Variants in MAN1C1 observed in about 807,000 individuals in gnomAD.
MAN1C1 encodes mannosyl-oligosaccharide 1,2-alpha-mannosidase IC.
A neutral mutation model predicts 71.5 loss-of-function variants in MAN1C1; 49 were observed. The ratio of observed to expected loss-of-function variants is 0.69; its 90% CI spans 0.54 to 0.87. MAN1C1 has a LOEUF of 0.87. Ranked by LOEUF, MAN1C1 falls within the 40% of genes least tolerant of loss-of-function variation. MAN1C1 has a pLI of 0.00. For missense variants in MAN1C1, 743 were observed against 835.0 expected (o/e 0.89, Z 1.36); for synonymous variants, 352 against 343.7 (o/e 1.02, Z -0.27).
At chr1:25,669,619 A>C (rs1057134876) in intron 1 of MAN1C1, among the ~76,000 whole-genome samples, 8 of 152,186 alleles carry the variant, frequency 5.3e-5, no homozygotes, top group Middle Eastern at 6.8e-3. Flanking sequence ...AAAAATTGTA[A>C]AAATCAGCCA....
intron 1 of MAN1C1, among the ~76,000 whole-genome samples, chr1:25,664,740 T>C (rs2045897223): frequency 6.6e-6 from 1 of 152,176 alleles, no homozygotes; most frequent in African/African-American, 2.4e-5. Flanking sequence ...GAGCTGAAAT[T>C]GCAAAGCATT....
chr1:25,659,178 C>T (rs1377881725), intron 1 of MAN1C1: 1 of 152,310 alleles, frequency 6.6e-6, no homozygotes, highest in Non-Finnish European at 1.5e-5. Context: ...GTTGCTGAGC[C>T]AGCATCCTGG....
At chr1:25,680,292 G>A (rs1306170496) in intron 1 of MAN1C1, among the ~76,000 whole-genome samples, 2 of 152,024 alleles carry the variant, frequency 1.3e-5, no homozygotes, top group African/African-American at 4.8e-5. Flanking sequence ...TGAACTCCTG[G>A]CCTCAGATGA....
chr1:25,632,987 C>T (rs578015614), intron 1 of MAN1C1, among the ~76,000 whole-genome samples: 6 of 151,764 alleles, frequency 4.0e-5, no homozygotes, highest in African/African-American at 1.5e-4. Context: ...CCTGCCTCAG[C>T]CTCCCGAGTA....
chr1:25,708,148 G>T (rs2046550923), intron 2 of MAN1C1, among the ~76,000 whole-genome samples: 1 of 152,220 alleles, frequency 6.6e-6, no homozygotes, highest in African/African-American at 2.4e-5. Flanking sequence ...CAGCAGCCTG[G>T]GCTGCTTGAC....
intron 1 of MAN1C1, among the ~76,000 whole-genome samples, chr1:25,677,846 CTTTTTTTTTTTTT>C (rs772618301): frequency 2.0e-5 from 2 of 98,308 alleles, no homozygotes; most frequent in African/African-American, 5.3e-5. Context: ...TAAAGACCTC[CTTTTTTTTTTTTT>C]TTTTTTTTTT....
chr1:25,664,206 A>G (rs1039952790), intron 1 of MAN1C1, among the ~76,000 whole-genome samples: 1 of 150,968 alleles, frequency 6.6e-6, no homozygotes, highest in African/African-American at 2.4e-5. Context: ...CATGCTGCTC[A>G]TTACCACCCC....
chr1:25,641,390 C>T (rs946241334), intron 1 of MAN1C1, among the ~76,000 whole-genome samples: 1 of 152,204 alleles, frequency 6.6e-6, no homozygotes, highest in Non-Finnish European at 1.5e-5. Flanking sequence ...GATGTTCTTT[C>T]TGTGACATCA....
chr1:25,661,580 T>G (rs572497870), intron 1 of MAN1C1, among the ~76,000 whole-genome samples: 7 of 152,260 alleles, frequency 4.6e-5, no homozygotes, highest in Admixed American at 1.3e-4. Flanking sequence ...AGGCTTAGCT[T>G]GAGCACAGGG....
At chr1:25,652,716 C>T (rs1389257197) in intron 1 of MAN1C1, among the ~76,000 whole-genome samples, 1 of 152,222 alleles carries the variant, frequency 6.6e-6, no homozygotes, top group Non-Finnish European at 1.5e-5. Flanking sequence ...GCCTCAATGT[C>T]CTTTTCTGCA....
intron 1 of MAN1C1, among the ~76,000 whole-genome samples, chr1:25,665,855 C>CTTT (rs757054975): frequency 0.054 from 5,202 of 96,722 alleles, 631 homozygotes; most frequent in African/African-American, 0.16. Flanking sequence ...TTGGCATTGG[C>CTTT]TTTTTTTTTT....
chr1:25,749,592 A>C (rs1038506647), intron 4 of MAN1C1, among the ~76,000 whole-genome samples: 6 of 151,980 alleles, frequency 3.9e-5, no homozygotes, highest in African/African-American at 1.5e-4. Flanking sequence ...CTATCACACA[A>C]AGCAGCGGCA....
intron 2 of MAN1C1, among the ~76,000 whole-genome samples, chr1:25,702,596 C>T (rs2046461582): frequency 1.3e-5 from 2 of 152,204 alleles, no homozygotes; most frequent in Non-Finnish European, 2.9e-5. Flanking sequence ...CAGGCTTTGG[C>T]ACCAGGGGGC....
chr1:25,618,375 C>T (rs771944472), intron 1 of MAN1C1, 38 bp downstream of exon 1: 1 of 1,567,650 alleles, frequency 6.4e-7, no homozygotes, highest in South Asian at 1.2e-5. Flanking sequence ...CACCAACTGC[C>T]CCCTCTAAGG....
chr1:25,781,206 A>G (rs1478415523), intron 10 of MAN1C1, 94 bp downstream of exon 10: 2 of 1,377,002 alleles, frequency 1.5e-6, no homozygotes, highest in African/African-American at 1.4e-5. Context: ...CCTGGAGTGG[A>G]AGGCCAAGCC....
rs1377342014 is a variant in MAN1C1 at position 25,616,903 on chromosome 1, G to T, written c.-895G>T. ...CAGCGGCCGGTCTGGAGCGGCCGCT[G>T]CGAGGAAGACAGCTGCAGCGGGGGA... On this transcript the variant is annotated 5_prime_UTR_variant, in exon 1 of 12. Coordinates refer to ENST00000374332, the MANE Select transcript of MAN1C1 (RefSeq NM_020379.4). This position sits in a 1 kb window ranked among gnomAD's most constrained non-coding sequence, Gnocchi z 5.6. 6.7e-6 allele frequency among the ~76,000 whole-genome samples: 1 copy of T among 149,842 alleles called. No individual in the cohort carries two copies. The highest frequency in any genetic ancestry group is 6.6e-5 in the Admixed American group (1 of 15,098).
At chr1:25,681,189 G>T (rs760736120) in intron 1 of MAN1C1, among the ~76,000 whole-genome samples, 3 of 150,092 alleles carry the variant, frequency 2.0e-5, no homozygotes, top group Non-Finnish European at 2.9e-5. Context: ...TCGCACCATT[G>T]CACTCCAGCC....
intron 1 of MAN1C1, among the ~76,000 whole-genome samples, chr1:25,638,253 C>T (rs2045491257): frequency 6.6e-6 from 1 of 152,118 alleles, no homozygotes; most frequent in African/African-American, 2.4e-5. Context: ...TCACAATCTA[C>T]ACTGAAATAA....
At position 25,730,148 on chromosome 1, in the gene MAN1C1, A is replaced by G. The variant is rs1286818102; in HGVS notation, c.638-16520A>G. 1.3e-5 allele frequency among the ~76,000 whole-genome samples: 2 copies of G among 152,174 alleles called. No individual in the cohort carries two copies. Among genetic ancestry groups the G allele is most frequent in the Non-Finnish European group, 2.9e-5 (2 of 68,028 alleles). On this transcript the variant is annotated intron_variant, in intron 2 of 11. Transcript: ENST00000374332. The surrounding 1 kb of genome is among the most constrained non-coding windows in gnomAD (Gnocchi z 4.3). ...AAGGTCTGGGTGGTGATTTCCTCTCAGATAAATCCCTTACCCTTTGAGAAC... is the reference window on the plus strand; with the variant it reads ...AAGGTCTGGGTGGTGATTTCCTCTCGGATAAATCCCTTACCCTTTGAGAAC...
Sources: allele counts gnomAD v4.1 joint callset (sites outside exome capture counted in the v4.1 genomes callset), GRCh38; gene constraint gnomAD v4.1.1; non-coding constraint Gnocchi (gnomAD v3.1); transcripts MANE v1.5; gene names NCBI Gene and HGNC (gene_info 2026-07-23, HGNC 2026-07-21).